The following INSYN2A variants were observed in gnomAD, a reference collection of about 807,000 sequenced individuals.
The protein encoded by INSYN2A is family with sequence similarity 196 member A.
INSYN2A carries 17 observed loss-of-function variants against 39.4 expected under a neutral mutation model. That is an observed-to-expected ratio of 0.43 (90% CI 0.30 to 0.65). The LOEUF (loss-of-function observed/expected upper bound fraction) is 0.65, where lower values mean the gene tolerates loss of function less well. Ranked by LOEUF, INSYN2A falls within the 30% of genes least tolerant of loss-of-function variation. The pLI, the probability that INSYN2A is intolerant of heterozygous loss-of-function variation, is 0.14. For synonymous variants in INSYN2A, 255 were observed against 265.7 expected (o/e 0.96, Z 0.39); for missense variants, 595 against 631.2 (o/e 0.94, Z 0.61).
intron 2 of INSYN2A, among the ~76,000 whole-genome samples, chr10:127,188,101 A>AT (rs2056445088): frequency 6.6e-6 from 1 of 152,052 alleles, no homozygotes; most frequent in Non-Finnish European, 1.5e-5. Context: ...AGCCCCTTCC[A>AT]TTTTTTTCTA....
At chr10:127,156,592 A>T (rs1416960566) in intron 4 of INSYN2A, among the ~76,000 whole-genome samples, 3 of 73,112 alleles carry the variant, frequency 4.1e-5, no homozygotes, top group African/African-American at 5.3e-5. Flanking sequence ...TTTGAGACCA[A>T]GTTTCGCTCT....
chr10:127,179,362 C>A (rs1051191481), intron 2 of INSYN2A, among the ~76,000 whole-genome samples: 1 of 152,092 alleles, frequency 6.6e-6, no homozygotes. Context: ...AAAATCATTT[C>A]GTTGTTAGTA....
rs2057170464 is a variant in INSYN2A at position 127,196,563 on chromosome 10, C to T, written c.-961G>A. Among the ~76,000 whole-genome samples the T allele has an allele frequency of 6.8e-6, 1 of 146,670 alleles. No individual in the cohort carries two copies. The highest frequency in any genetic ancestry group is 2.5e-5 in the African/African-American group (1 of 40,686). On this transcript the variant is annotated 5_prime_UTR_variant, in exon 1 of 6. Coordinates refer to ENST00000522781, the MANE Select transcript of INSYN2A (RefSeq NM_001039762.3). The stretch of plus-strand genomic sequence containing the variant: ...AGCCGCGCGCCTGCCGCCTGTGCGC[C>T]CGGCTGGCACCGAGGCGGGCGGAGC...
At position 127,184,927 on chromosome 10, in the gene INSYN2A, G is replaced by A. The variant is rs531724478; in HGVS notation, c.-269+7678C>T. 2.0e-5 allele frequency among the ~76,000 whole-genome samples: 3 copies of A among 152,240 alleles called. No individual in the cohort carries two copies. The South Asian group carries it at 6.2e-4, about 32-fold the overall frequency. On this transcript the variant is annotated intron_variant, in intron 2 of 5. Transcript: ENST00000522781. ...ACCTAGGCACCATACTGGATGCTGG[G>A]CACACAGGAAAAAACAAGGCATACT... is the stretch of plus-strand genomic sequence containing the variant.
At chr10:127,139,477 G>T (rs2051017090) in intron 5 of INSYN2A, among the ~76,000 whole-genome samples, 1 of 151,816 alleles carries the variant, frequency 6.6e-6, no homozygotes, top group South Asian at 2.1e-4. Flanking sequence ...TTTTCGAAGA[G>T]CCTCTTTGAG....
chr10:127,150,227 A>G (rs1004294108), intron 5 of INSYN2A, among the ~76,000 whole-genome samples: 6 of 152,154 alleles, frequency 3.9e-5, no homozygotes, highest in Non-Finnish European at 7.3e-5. Context: ...CTGGGTTCTG[A>G]ACACTTTTCT....
chr10:127,144,213 C>G (rs1216785997), intron 5 of INSYN2A, among the ~76,000 whole-genome samples: 1 of 152,172 alleles, frequency 6.6e-6, no homozygotes, highest in Non-Finnish European at 1.5e-5. Context: ...CTGGCAAACT[C>G]CTTCTCAAAT....
chr10:127,179,536 G>T lies in INSYN2A; in HGVS notation c.-268-2397C>A, dbSNP rs1285682989. ...TCAAATGAGGTTATGAGTTCTTTCT[G>T]ACGGCTGGATGACATTTTCTAAAGC... On this transcript the variant is annotated intron_variant, in intron 2 of 5. Transcript: ENST00000522781. Among the ~76,000 whole-genome samples, 3 of 152,150 alleles carry T rather than the reference G, an allele frequency of 2.0e-5. No individual in the cohort carries two copies. The East Asian group carries it at 5.8e-4, about 29-fold the overall frequency.
intron 5 of INSYN2A, among the ~76,000 whole-genome samples, chr10:127,142,989 A>G (rs1445680366): frequency 6.6e-6 from 1 of 152,130 alleles, no homozygotes; most frequent in African/African-American, 2.4e-5. Context: ...TTTTCTTCCC[A>G]GAGACTGTGC....
chr10:127,175,353 C>T lies in INSYN2A; in HGVS notation c.1043G>A (p.Arg348Gln), dbSNP rs748541758. 1.4e-5 allele frequency: 23 copies of T among 1,614,012 alleles called. No individual in the cohort carries two copies. In the Admixed American group the frequency reaches 1.7e-4, roughly 12 times the overall value. Residue 348 changes from arginine (R) to glutamine (Q), a missense_variant, in exon 4 of 6, where the codon CGA becomes CAA. Transcript: ENST00000522781. This position sits in a 1 kb window ranked among gnomAD's most constrained non-coding sequence, Gnocchi z 6.3. ...GACCACTTCCGTATGAGGCACGATT[C>T]GTTGGCATTCTTCACCTGCAGCAAC... is the stretch of plus-strand genomic sequence containing the variant. ...TAVAAGEECQ[R>Q]IVPHTEVVDL...
At chr10:127,145,195 A>G (rs1461858463) in intron 5 of INSYN2A, among the ~76,000 whole-genome samples, 1 of 152,092 alleles carries the variant, frequency 6.6e-6, no homozygotes, top group East Asian at 1.9e-4. Context: ...GGCAGGTCAG[A>G]TGCACAGGGG....
chr10:127,184,539 G>C (rs772345191), intron 2 of INSYN2A, among the ~76,000 whole-genome samples: 3 of 139,604 alleles, frequency 2.1e-5, no homozygotes, highest in Non-Finnish European at 4.5e-5. Context: ...TGCACACGTC[G>C]CTTCTCTGTG....
chr10:127,167,888 C>T (rs549624497), intron 4 of INSYN2A, among the ~76,000 whole-genome samples: 1 of 152,278 alleles, frequency 6.6e-6, no homozygotes, highest in South Asian at 2.1e-4. Flanking sequence ...AAGCTCCTCC[C>T]CTGGCTTCAC....
At position 127,147,551 on chromosome 10, in the gene INSYN2A, C is replaced by T. The variant is rs1279236737; in HGVS notation, c.1256+6301G>A. 6.6e-5 allele frequency among the ~76,000 whole-genome samples: 10 copies of T among 152,230 alleles called. No individual in the cohort carries two copies. In the East Asian group the frequency reaches 1.7e-3, roughly 27 times the overall value. On this transcript the variant is annotated intron_variant, in intron 5 of 5. Coordinates refer to ENST00000522781, the MANE Select transcript of INSYN2A (RefSeq NM_001039762.3). Reference sequence around the variant, plus strand: ...CAGAGCTCTGTCCTTACCCTCATCCCGGGGTCCCAGGGTAAGGGGCATGCA... The same window carrying T: ...CAGAGCTCTGTCCTTACCCTCATCCTGGGGTCCCAGGGTAAGGGGCATGCA...
At chr10:127,149,809 T>C (rs1478632735) in intron 5 of INSYN2A, among the ~76,000 whole-genome samples, 1 of 152,166 alleles carries the variant, frequency 6.6e-6, no homozygotes, top group Non-Finnish European at 1.5e-5. Flanking sequence ...ATTTTGAAAT[T>C]CCTTTAAGCT....
intron 4 of INSYN2A, among the ~76,000 whole-genome samples, chr10:127,167,627 G>C (rs2054195920): frequency 6.6e-6 from 1 of 151,806 alleles, no homozygotes; most frequent in South Asian, 2.1e-4. Flanking sequence ...CCTCTCATTT[G>C]GACCATGTTC....
intron 5 of INSYN2A, among the ~76,000 whole-genome samples, chr10:127,142,178 C>T (rs2051324440): frequency 6.6e-6 from 1 of 152,214 alleles, no homozygotes; most frequent in Non-Finnish European, 1.5e-5. Context: ...CGGTCCCAGG[C>T]CACCAGACGT....
At chr10:127,186,414 C>T (rs2056233663) in intron 2 of INSYN2A, among the ~76,000 whole-genome samples, 1 of 150,786 alleles carries the variant, frequency 6.6e-6, no homozygotes, top group South Asian at 2.1e-4. Flanking sequence ...GTAATCCCAG[C>T]TACTTGGGAG....
At chr10:127,161,426 A>G (rs1292707468) in intron 4 of INSYN2A, among the ~76,000 whole-genome samples, 1 of 152,148 alleles carries the variant, frequency 6.6e-6, no homozygotes, top group Non-Finnish European at 1.5e-5. Flanking sequence ...CCAGCATCCA[A>G]CTTGCTGAAG....
Sources: allele counts gnomAD v4.1 joint callset (sites outside exome capture counted in the v4.1 genomes callset), GRCh38; gene constraint gnomAD v4.1.1; non-coding constraint Gnocchi (gnomAD v3.1); transcripts MANE v1.5; gene names NCBI Gene and HGNC (gene_info 2026-07-23, HGNC 2026-07-21).